TRAPPC8: variants seen among roughly 807,000 people sequenced by gnomAD.
TRAPPC8 encodes the protein general sporulation gene 1 homolog.
In TRAPPC8, 54 loss-of-function variants were observed where a neutral mutation model predicts 174.3. That is an observed-to-expected ratio of 0.31 (90% CI 0.25 to 0.39). The LOEUF (loss-of-function observed/expected upper bound fraction) is 0.39, where lower values mean the gene tolerates loss of function less well. Among genes scored for constraint, TRAPPC8 ranks in the 10% least tolerant of loss-of-function variants. TRAPPC8 has a pLI of 1.00. For missense variants in TRAPPC8, 1,531 were observed against 1,699.1 expected, an observed-to-expected ratio of 0.90 and a Z score of 1.74; for synonymous variants, 630 against 579.9, an observed-to-expected ratio of 1.09 and a Z score of -1.24.
intron 12 of TRAPPC8, among the ~76,000 whole-genome samples, chr18:31,886,344 GGAAA>G (rs1219994777): frequency 1.3e-4 from 9 of 71,244 alleles, no homozygotes; most frequent in African/African-American, 4.3e-4. Context: ...TGTTTCTTGA[GGAAA>G]AAAAAAAAAA....
At chr18:31,875,282 C>T (rs1026998065) in intron 12 of TRAPPC8, among the ~76,000 whole-genome samples, 6 of 150,754 alleles carry the variant, frequency 4.0e-5, no homozygotes, top group Admixed American at 2.0e-4. Flanking sequence ...TATGTGGCCA[C>T]ATATGCCACA....
intron 28 of TRAPPC8, among the ~76,000 whole-genome samples, chr18:31,831,644 T>C (rs1194579402): frequency 6.6e-6 from 1 of 152,046 alleles, no homozygotes. Context: ...TATTGAAAAA[T>C]GGAAAACCCA....
intron 12 of TRAPPC8, among the ~76,000 whole-genome samples, chr18:31,875,973 A>G (rs938351664): frequency 1.3e-5 from 2 of 152,112 alleles, no homozygotes; most frequent in African/African-American, 2.4e-5. Flanking sequence ...TGATAGAAGA[A>G]ATAAGACCTA....
intron 10 of TRAPPC8, 24 bp from the exon 11 acceptor site, chr18:31,897,915 T>G (rs368308230): frequency 8.2e-6 from 13 of 1,588,400 alleles, no homozygotes; most frequent in Middle Eastern, 1.7e-4. Context: ...GACAAGAAGA[T>G]AAAATAGCAC....
chr18:31,895,686 A>G (rs951280575), intron 11 of TRAPPC8: 1 of 152,246 alleles, frequency 6.6e-6, no homozygotes, highest in Non-Finnish European at 1.5e-5. Context: ...TGAACCATAA[A>G]TTCTTTTTAC....
At chr18:31,874,770 C>T in intron 12 of TRAPPC8, 66 bp from the exon 13 acceptor site, 1 of 1,319,412 alleles carries the variant, frequency 7.6e-7, no homozygotes. Flanking sequence ...AAAACAAATA[C>T]AAACACACAC....
At chr18:31,898,719 G>A (rs977959701) in intron 10 of TRAPPC8, among the ~76,000 whole-genome samples, 2 of 152,144 alleles carry the variant, frequency 1.3e-5, no homozygotes, top group Non-Finnish European at 1.5e-5. Flanking sequence ...AACATAATCA[G>A]TTGATTTTGT....
At chr18:31,915,691 T>A (rs2037109209) in intron 4 of TRAPPC8, among the ~76,000 whole-genome samples, 1 of 151,518 alleles carries the variant, frequency 6.6e-6, no homozygotes, top group Admixed American at 6.6e-5. Flanking sequence ...GGTCAGGAGA[T>A]CGAGACCATG....
chr18:31,902,942 G>A (rs1437893875), intron 9 of TRAPPC8, among the ~76,000 whole-genome samples: 2 of 151,844 alleles, frequency 1.3e-5, no homozygotes, highest in African/African-American at 4.8e-5. Flanking sequence ...CCAGCTACTC[G>A]GGAGGCTGAG....
At chr18:31,853,063 C>T (rs545288083) in intron 22 of TRAPPC8, among the ~76,000 whole-genome samples, 64 of 152,214 alleles carry the variant, frequency 4.2e-4, no homozygotes, top group African/African-American at 1.3e-3. Context: ...ATATGTTTTC[C>T]CATAATTGCA....
At chr18:31,937,507 A>C (rs2038158093) in intron 1 of TRAPPC8, 1 of 151,760 alleles carries the variant, frequency 6.6e-6, no homozygotes, top group Non-Finnish European at 1.5e-5. Flanking sequence ...TGGGCAACAG[A>C]GTGAGGCTCT....
chr18:31,865,287 A>C (rs1023997829), intron 18 of TRAPPC8, among the ~76,000 whole-genome samples: 3 of 152,030 alleles, frequency 2.0e-5, no homozygotes, highest in African/African-American at 7.3e-5. Flanking sequence ...TAAATACAGT[A>C]GAGTTTTCTC....
intron 26 of TRAPPC8, chr18:31,844,935 T>C (rs1336348718): frequency 1.3e-5 from 2 of 151,936 alleles, no homozygotes; most frequent in Admixed American, 1.3e-4. Context: ...AATCTAATCA[T>C]GAGGAGACAT....
chr18:31,872,025 A>G (rs1267961495), intron 14 of TRAPPC8, among the ~76,000 whole-genome samples: 1 of 152,166 alleles, frequency 6.6e-6, no homozygotes, highest in Non-Finnish European at 1.5e-5. Flanking sequence ...GTTTTGTTAT[A>G]CAGACATATT....
At chr18:31,880,090 A>AAATATAT (rs1259899654) in intron 12 of TRAPPC8, among the ~76,000 whole-genome samples, 12 of 85,348 alleles carry the variant, frequency 1.4e-4, no homozygotes, top group East Asian at 3.0e-4. Flanking sequence ...TGAAAAAAAA[A>AAATATAT]ATATATATAT....
At position 31,851,946 on chromosome 18, in the gene TRAPPC8, C is replaced by A. The variant is rs115909259; in HGVS notation, c.3561+500G>T. Reference sequence around the variant, plus strand: ...TCAAAAGAAAGTTAATTTTAAATAACTACTTAAAATGGTATAGTCCATAAG... The same window carrying A: ...TCAAAAGAAAGTTAATTTTAAATAAATACTTAAAATGGTATAGTCCATAAG... On this transcript the variant is annotated intron_variant, in intron 24 of 28. Transcript: ENST00000283351. Among the ~76,000 whole-genome samples, 1,101 of 152,192 alleles carry A rather than the reference C, an allele frequency of 7.2e-3. 15 individuals carry two copies. The highest frequency in any genetic ancestry group is 0.025 in the African/African-American group (1,056 of 41,534).
Position 31,916,320 on chromosome 18 carries a change from A to T in TRAPPC8, c.569T>A (p.Leu190His). The change falls in exon 4 of 29, where the codon CTT becomes CAT. Residue 190 changes from leucine to histidine, a missense_variant. Physicochemically the swap from Leu to His is moderately conservative, Grantham distance 99. Coordinates refer to ENST00000283351, the MANE Select transcript of TRAPPC8 (RefSeq NM_014939.5). Reference protein sequence around the residue: ...SYPKWFIPNTLKYYVLLHDVS... With the variant: ...SYPKWFIPNTHKYYVLLHDVS... Reference sequence around the variant, plus strand: ...ATCATGTAAAAGTACATAGTATTTAAGTGTATTTGGTATAAACCACTTGGG... The same window carrying T: ...ATCATGTAAAAGTACATAGTATTTATGTGTATTTGGTATAAACCACTTGGG... 1 of 1,611,430 alleles carries T rather than the reference A, an allele frequency of 6.2e-7. No homozygotes were observed.
chr18:31,883,971 C>G (rs2035582877), intron 12 of TRAPPC8, among the ~76,000 whole-genome samples: 1 of 152,008 alleles, frequency 6.6e-6, no homozygotes, highest in Admixed American at 6.6e-5. Flanking sequence ...GGTGGATCGC[C>G]TGAGGTCAGG....
chr18:31,853,647 A>G (rs1027414779), intron 22 of TRAPPC8, among the ~76,000 whole-genome samples: 1 of 152,212 alleles, frequency 6.6e-6, no homozygotes, highest in African/African-American at 2.4e-5. Context: ...ATACAAGTAT[A>G]AAAGATGTGG....
Sources: gnomAD v4.1 joint callset for allele counts (sites outside exome capture counted in the v4.1 genomes callset) on GRCh38, gnomAD v4.1.1 for gene constraint, MANE v1.5 for transcripts, NCBI Gene and HGNC (gene_info 2026-07-23, HGNC 2026-07-21) for gene names.